PLCZ1: variants seen among roughly 807,000 people sequenced by gnomAD.
PLCZ1 encodes the protein 1-phosphatidylinositol 4,5-bisphosphate phosphodiesterase zeta-1.
In PLCZ1, 64 loss-of-function variants were observed where a neutral mutation model predicts 76.8. The ratio of observed to expected loss-of-function variants is 0.83; its 90% CI spans 0.68 to 1.03. The LOEUF is 1.03. Ranked by LOEUF, PLCZ1 falls within the 50% of genes least tolerant of loss-of-function variation. PLCZ1 has a pLI of 0.00. For missense variants in PLCZ1, 751 were observed against 713.7 expected (o/e 1.05, Z -0.60); for synonymous variants, 248 against 230.8 (o/e 1.07, Z -0.68).
intron 12 of PLCZ1, chr12:18,693,981 C>T: frequency 6.6e-7 from 1 of 1,503,776 alleles, no homozygotes. Flanking sequence ...TGTACAGAAG[C>T]TGGTCTGATG....
chr12:18,688,073 T>C lies in PLCZ1; in HGVS notation c.1591+16A>G, dbSNP rs539924078. On this transcript the variant is annotated intron_variant, in intron 13 of 14. Transcript: ENST00000266505. ...GAAGTCTAATGGAAATTCAATAAGG[T>C]ATATCAGGAGCTCACCATTTTTTTT... is the stretch of plus-strand genomic sequence containing the variant. The C allele has an allele frequency of 1.2e-6, 2 of 1,609,578 alleles. No individual in the cohort carries two copies. Among genetic ancestry groups the C allele is most frequent in the African/African-American group, 1.3e-5 (1 of 74,910 alleles).
intron 3 of PLCZ1, among the ~76,000 whole-genome samples, chr12:18,729,926 A>C (rs1958950028): frequency 6.6e-6 from 1 of 152,144 alleles, no homozygotes; most frequent in Admixed American, 6.5e-5. Context: ...TAATGAATAA[A>C]TGTAATTCAA....
intron 3 of PLCZ1, among the ~76,000 whole-genome samples, chr12:18,729,548 T>A (rs754395039): frequency 1.1e-4 from 17 of 152,074 alleles, no homozygotes; most frequent in Non-Finnish European, 1.9e-4. Context: ...CTTAAAGAAT[T>A]TGAAGACTCA....
intron 4 of PLCZ1, 108 bp downstream of exon 4, chr12:18,723,203 T>C (rs1958547998): frequency 2.0e-6 from 2 of 998,092 alleles, no homozygotes; most frequent in Admixed American, 4.9e-5. Flanking sequence ...AAAACGGTAA[T>C]TTGATAACCA....
chr12:18,705,132 T>C lies in PLCZ1; in HGVS notation c.864+34A>G, dbSNP rs1272455215. On this transcript the variant is annotated intron_variant, in intron 7 of 14. Transcript: ENST00000266505. ...CAGTGACATGTTTTCATGGACTTTTTTCTTAACCTGAGTTTCTCAGAAAAA... is the reference window on the plus strand; with the variant it reads ...CAGTGACATGTTTTCATGGACTTTTCTCTTAACCTGAGTTTCTCAGAAAAA... The C allele has an allele frequency of 1.9e-6, 3 of 1,611,224 alleles. No individual in the cohort carries two copies. In the East Asian group the frequency reaches 6.7e-5, roughly 36 times the overall value.
At chr12:18,650,438 A>C in the PLCZ1 span, among the ~76,000 whole-genome samples, 1 of 145,894 alleles carries the variant, frequency 6.9e-6, no homozygotes, top group African/African-American at 2.5e-5. Context: ...AATTTTTTTA[A>C]TCTTTGCCAT....
intron 2 of PLCZ1, chr12:18,736,870 T>C: frequency 2.3e-6 from 1 of 433,904 alleles, no homozygotes; most frequent in Non-Finnish European, 4.6e-6. Flanking sequence ...ATTAGTCCAA[T>C]GCCCAGCTAC....
chr12:18,723,740 C>T (rs1217159748), intron 3 of PLCZ1, among the ~76,000 whole-genome samples, 198 bp from the exon 4 acceptor site: 1 of 152,044 alleles, frequency 6.6e-6, no homozygotes, highest in Non-Finnish European at 1.5e-5. Context: ...ACTCTTGAAA[C>T]CCAGTGGTTA....
At chr12:18,646,108 G>A in the PLCZ1 span, among the ~76,000 whole-genome samples, 1 of 152,124 alleles carries the variant, frequency 6.6e-6, no homozygotes, top group African/African-American at 2.4e-5. Flanking sequence ...TACAGTGGTA[G>A]GGTTCTGAGA....
At chr12:18,722,345 T>A (rs1438395599) in intron 4 of PLCZ1, among the ~76,000 whole-genome samples, 1 of 152,106 alleles carries the variant, frequency 6.6e-6, no homozygotes, top group Admixed American at 6.6e-5. Context: ...CTTCACTATA[T>A]CTTCAGCCCC....
At chr12:18,649,533 T>C in the PLCZ1 span, among the ~76,000 whole-genome samples, 1 of 152,084 alleles carries the variant, frequency 6.6e-6, no homozygotes, top group African/African-American at 2.4e-5. Context: ...CCCACTTCCC[T>C]GCCAATTGCT....
chr12:18,689,663 A>G (rs1214425763), intron 12 of PLCZ1, among the ~76,000 whole-genome samples: 1 of 151,932 alleles, frequency 6.6e-6, no homozygotes, highest in Non-Finnish European at 1.5e-5. Context: ...TCAGTGGTCA[A>G]CTCTGTTGTT....
chr12:18,680,901 T>C (rs563029189), downstream of PLCZ1, among the ~76,000 whole-genome samples: 4 of 152,034 alleles, frequency 2.6e-5, no homozygotes, highest in Non-Finnish European at 5.9e-5. Context: ...GTAAATCTTA[T>C]CTATATGATG....
In PLCZ1 at chr12:18,705,272, G is replaced by A; in HGVS notation, c.758C>T (p.Ser253Phe). The A allele has an allele frequency of 6.2e-7, 1 of 1,614,064 alleles. No individual in the cohort carries two copies. Among genetic ancestry groups the A allele is most frequent in the South Asian group, 1.1e-5 (1 of 91,078 alleles). Residue 253 changes from serine to phenylalanine, a missense_variant, in exon 7 of 15, where the codon TCC becomes TTC. By Grantham distance (155) the Ser-to-Phe change is radical (BLOSUM62 -2). Transcript: ENST00000266505. ...PVVLSLENHC[S>F]TAQQEVMADN... Reference sequence around the variant, plus strand: ...TGCCATTACTTCTTGTTGGGCAGTGGAGCAGTGATTTTCTAAAGAGAGCAC... The same window carrying A: ...TGCCATTACTTCTTGTTGGGCAGTGAAGCAGTGATTTTCTAAAGAGAGCAC...
intron 4 of PLCZ1, among the ~76,000 whole-genome samples, chr12:18,721,084 G>A (rs1958409752): frequency 6.6e-6 from 1 of 152,042 alleles, no homozygotes; most frequent in South Asian, 2.1e-4. Context: ...CATTGTAACA[G>A]TAATGACTTG....
chr12:18,689,236 C>T (rs1953682560), intron 12 of PLCZ1, among the ~76,000 whole-genome samples: 1 of 151,936 alleles, frequency 6.6e-6, no homozygotes, highest in African/African-American at 2.4e-5. Flanking sequence ...AGACCCTTCC[C>T]AAAATGGAGT....
the PLCZ1 span, among the ~76,000 whole-genome samples, chr12:18,654,792 G>T: frequency 6.6e-6 from 1 of 152,148 alleles, no homozygotes; most frequent in Admixed American, 6.6e-5. Flanking sequence ...TTGAACAAGG[G>T]ATAAGTGACA....
intron 5 of PLCZ1, among the ~76,000 whole-genome samples, chr12:18,718,428 T>A (rs965533197): frequency 7.2e-5 from 11 of 152,100 alleles, no homozygotes; most frequent in African/African-American, 2.7e-4. Context: ...GGATAAAATC[T>A]ATTCTCCTCT....
the PLCZ1 span, among the ~76,000 whole-genome samples, chr12:18,663,047 G>A: frequency 6.6e-6 from 1 of 151,956 alleles, no homozygotes; most frequent in African/African-American, 2.4e-5. Flanking sequence ...ACTCTCTCCA[G>A]TCAAAAGACA....
Sources: allele counts gnomAD v4.1 joint callset (sites outside exome capture counted in the v4.1 genomes callset), GRCh38; gene constraint gnomAD v4.1.1; transcripts MANE v1.5; gene names NCBI Gene and HGNC (gene_info 2026-07-23, HGNC 2026-07-21).